Variants in EIF4G1 observed in about 807,000 individuals in gnomAD.
The protein encoded by EIF4G1 is eukaryotic translation initiation factor 4 gamma 1, also known as EIF4-gamma.
A neutral mutation model predicts 187.8 loss-of-function variants in EIF4G1; 4 were observed. The observed-to-expected ratio is 0.02, with a 90% CI of 0.01 to 0.05. The LOEUF is 0.05. Ranked by LOEUF, EIF4G1 falls within the 10% of genes least tolerant of loss-of-function variation. The pLI, the probability that EIF4G1 is intolerant of heterozygous loss-of-function variation, is 1.00. For missense variants in EIF4G1, 1,647 were observed against 2,081.1 expected (o/e 0.79, Z 4.06); for synonymous variants, 844 against 781.4 (o/e 1.08, Z -1.34).
chr3:184,323,544 C>T lies in EIF4G1; in HGVS notation c.2225C>T (p.Ala742Val), dbSNP rs751825007. 3.7e-6 allele frequency: 6 copies of T among 1,614,034 alleles called. No individual in the cohort carries two copies. Among genetic ancestry groups the T allele is most frequent in the South Asian group, 2.2e-5 (2 of 91,088 alleles). ...KAWKPSSKRT[A>V]ADKDRGEEDA... is the part of the protein sequence containing the mutation. ...TGGAAACCCAGCAGCAAGCGGACGG[C>T]GGCTGATAAGGATCGAGGGGAAGAA... The change falls in exon 15 of 33, where the codon GCG (alanine) becomes GTG (valine). Residue 742 changes from alanine to valine, a missense_variant. Physicochemically the swap from Ala to Val is moderately conservative, Grantham distance 64. Around this residue, in one of 11 missense-constraint regions of EIF4G1, gnomAD observed 140 missense variants for 222.2 expected, o/e 0.63. Coordinates refer to ENST00000346169, the MANE Select transcript of EIF4G1 (RefSeq NM_198241.3). This position sits in a 1 kb window ranked among gnomAD's most constrained non-coding sequence, Gnocchi z 6.9.
chr3:184,326,663 C>T (rs1341699433), intron 22 of EIF4G1, 34 bp downstream of exon 22: 7 of 1,602,708 alleles, frequency 4.4e-6, no homozygotes, highest in African/African-American at 1.3e-5. Flanking sequence ...GGGTGGTTAC[C>T]CGTCAGAGCT....
Position 184,322,096 on chromosome 3 carries a change from C to T in EIF4G1, c.1512C>T (p.Ala504=). 1 of 1,614,098 alleles carries T rather than the reference C, an allele frequency of 6.2e-7. No homozygotes were observed. The highest frequency in any genetic ancestry group is 1.6e-4 in the Middle Eastern group (1 of 6,062). ...NLSQNLEAAA[A]TQVAVSVPKR... is the part of the protein sequence containing the mutation. ...CTCAGAATTTGGAGGCAGCAGCAGC[C>T]ACTCAAGGTAAGGTGTGGTTGGACG... The change falls in exon 10 of 33, where the codon GCC becomes GCT. Residue 504 remains alanine, a synonymous_variant. Coordinates refer to ENST00000346169, the MANE Select transcript of EIF4G1 (RefSeq NM_198241.3).
chr3:184,317,397 G>T lies in EIF4G1; in HGVS notation c.224G>T (p.Gly75Val). The T allele has an allele frequency of 6.2e-7, 1 of 1,614,032 alleles. No individual in the cohort carries two copies. Among genetic ancestry groups the T allele is most frequent in the Non-Finnish European group, 8.5e-7 (1 of 1,180,006 alleles). ...RVQSAAPARP[G>V]PAAHVYPAGS... ...CAGAGTGCAGCCCCTGCCCGCCCTG[G>T]CCCAGCTGCCCATGTCTACCCTGCT... The change falls in exon 5 of 33, where the codon GGC becomes GTC. Residue 75 changes from glycine to valine, a missense_variant. This residue lies in a region of EIF4G1 where 139 missense variants were observed against 187.3 expected (regional missense o/e 0.74). Coordinates refer to ENST00000346169, the MANE Select transcript of EIF4G1 (RefSeq NM_198241.3).
rs745629421 is a variant in EIF4G1, at chr3:184,331,272, A to G, written c.4168A>G (p.Lys1390Glu). The G allele has an allele frequency of 1.5e-5, 24 of 1,614,014 alleles. No individual in the cohort carries two copies. Among genetic ancestry groups the G allele is most frequent in the South Asian group, 2.2e-5 (2 of 91,078 alleles). The part of the protein sequence containing the change: ...LGLLCKSMGP[K>E]KVGTLWREAG... ...TTGGTCTTGTGTTTTCCAGGGTCCT[A>G]AAAAGGTGGGGACGCTGTGGCGAGA... is the stretch of plus-strand genomic sequence containing the variant. The change falls in exon 29 of 33, where the codon AAA (lysine) becomes GAA (glutamate). Residue 1390 changes from lysine (K) to glutamate (E), a missense_variant. Lys to Glu is a moderately conservative substitution (Grantham distance 56). Transcript: ENST00000346169.
At position 184,334,985 on chromosome 3, in the gene EIF4G1, G is replaced by A. The variant is rs913955593; in HGVS notation, c.*77G>A. 6.3e-6 allele frequency: 10 copies of A among 1,583,298 alleles called. No homozygotes were observed. Among genetic ancestry groups the A allele is most frequent in the South Asian group, 2.2e-5 (2 of 89,268 alleles). On this transcript the variant is annotated 3_prime_UTR_variant, in exon 33 of 33. Coordinates refer to ENST00000346169, the MANE Select transcript of EIF4G1 (RefSeq NM_198241.3). The surrounding 1 kb of genome is among the most constrained non-coding windows in gnomAD (Gnocchi z 5.8). ...CTAGCCGCCTGGACTGCAGGGGGGC[G>A]GCAGCAGCGGCGGTGGCAGTGGGTG...
chr3:184,315,189 A>G (rs1722518729), intron 1 of EIF4G1: 2 of 353,400 alleles, frequency 5.7e-6, no homozygotes, highest in South Asian at 4.1e-5. Context: ...CGGCTCCTCG[A>G]CGGCCGCCGC....
rs1468301910 is a variant in EIF4G1 at position 184,319,652 on chromosome 3, C to A, written c.425-37C>A. The A allele has an allele frequency of 3.7e-6, 5 of 1,340,332 alleles. No individual in the cohort carries two copies. The African/African-American group carries it at 7.2e-5, about 19-fold the overall frequency. 83.0% of individuals were successfully genotyped at this position (1,340,332 alleles called of 1,614,324 possible). A position where few individuals can be genotyped will look rare whatever the true frequency, so the allele number is the denominator to read the frequency against. On this transcript the variant is annotated intron_variant, in intron 6 of 32. Transcript: ENST00000346169. ...GCATTAGTATATGGTTGGGCCCTGA[C>A]GCTACCACCATTCTTCTCCGTCCCC...
Position 184,322,623 on chromosome 3 carries a change from T to C in EIF4G1, c.1688T>C (p.Val563Ala). The change falls in exon 12 of 33, where the codon GTG becomes GCG. Residue 563 changes from valine (V) to alanine (A), a missense_variant. Val to Ala is a moderately conservative substitution (Grantham distance 64). Around this residue, in one of 11 missense-constraint regions of EIF4G1, gnomAD observed 522 missense variants for 485.2 expected, o/e 1.08. Coordinates refer to ENST00000346169, the MANE Select transcript of EIF4G1 (RefSeq NM_198241.3). ...NPGPESEGSG[V>A]PPRPEEADET... Reference sequence around the variant, plus strand: ...GGCCCAGAGTCTGAGGGCAGTGGTGTGCCCCCACGTCCTGAGGAAGCAGAT... The same window carrying C: ...GGCCCAGAGTCTGAGGGCAGTGGTGCGCCCCCACGTCCTGAGGAAGCAGAT... The C allele has an allele frequency of 6.2e-7, 1 of 1,614,160 alleles. No homozygotes were observed. Among genetic ancestry groups the C allele is most frequent in the Non-Finnish European group, 8.5e-7 (1 of 1,180,042 alleles).
chr3:184,326,050 T>C lies in EIF4G1; in HGVS notation c.3222+99T>C, dbSNP rs1223470674. ...AAGGTGACAGCTGAATGTTTCCTCT[T>C]AGACTAACTGGTTGGATTGCTGGAG... On this transcript the variant is annotated intron_variant, in intron 21 of 32. Transcript: ENST00000346169. 3.1e-5 allele frequency: 40 copies of C among 1,292,790 alleles called. No individual in the cohort carries two copies. The East Asian group carries it at 8.7e-4, about 28-fold the overall frequency. The allele number at this position is 1,292,790 out of a possible 1,614,324, so 80.1% of individuals were successfully genotyped here.
At chr3:184,329,263 T>G (rs1725559780) in intron 28 of EIF4G1, 1 of 486,618 alleles carries the variant, frequency 2.1e-6, no homozygotes, top group South Asian at 2.1e-5. Flanking sequence ...AGGGTTTTGT[T>G]GATGATCATT....
Position 184,325,075 on chromosome 3 carries a change from C to T in EIF4G1, c.2817C>T (p.Leu939=), listed in dbSNP as rs1724609447. The change falls in exon 18 of 33, where the codon CTC becomes CTT. Residue 939 remains leucine, a synonymous_variant. Transcript: ENST00000346169. This position sits in a 1 kb window ranked among gnomAD's most constrained non-coding sequence, Gnocchi z 5.2. ...CCCTTGAGTGCCTTTGTCGTCTGCT[C>T]ACCACCATTGGCAAAGACCTGGACT... ...EESLECLCRL[L]TTIGKDLDFE... is the part of the protein sequence containing the mutation. The T allele has an allele frequency of 6.2e-7, 1 of 1,614,194 alleles. No individual in the cohort carries two copies. Among genetic ancestry groups the T allele is most frequent in the Non-Finnish European group, 8.5e-7 (1 of 1,180,054 alleles).
rs368908824 is a variant in EIF4G1 at position 184,325,160 on chromosome 3, G to A, written c.2856+46G>A. 1 of 1,607,274 alleles carries A rather than the reference G, an allele frequency of 6.2e-7. No individual in the cohort carries two copies. Among genetic ancestry groups the A allele is most frequent in the African/African-American group, 1.3e-5 (1 of 74,762 alleles). ...AGGGGGATGGGCTGAAGCATATGTG[G>A]GGCTCACTGAGCCCACAATGATGGG... On this transcript the variant is annotated intron_variant, in intron 18 of 32. Coordinates refer to ENST00000346169, the MANE Select transcript of EIF4G1 (RefSeq NM_198241.3). The surrounding 1 kb of genome is among the most constrained non-coding windows in gnomAD (Gnocchi z 5.2).
Position 184,334,355 on chromosome 3 carries a change from C to T in EIF4G1, c.4619-372C>T, listed in dbSNP as rs2084568241. Among the ~76,000 whole-genome samples, 1 of 152,116 alleles carries T rather than the reference C, an allele frequency of 6.6e-6. No homozygotes were observed. Among genetic ancestry groups the T allele is most frequent in the Non-Finnish European group, 1.5e-5 (1 of 68,032 alleles). On this transcript the variant is annotated intron_variant, in intron 32 of 32. Coordinates refer to ENST00000346169, the MANE Select transcript of EIF4G1 (RefSeq NM_198241.3). This position sits in a 1 kb window ranked among gnomAD's most constrained non-coding sequence, Gnocchi z 5.8. ...TGGGGGGCAGTGAATGTTCAGGTTA[C>T]ATGTAGGATATATATAGGACTTTAT... is the stretch of plus-strand genomic sequence containing the variant.
intron 10 of EIF4G1, 50 bp from the exon 11 acceptor site, chr3:184,322,312 C>T (rs748388232): frequency 3.2e-6 from 5 of 1,582,662 alleles, no homozygotes; most frequent in East Asian, 2.3e-5. Flanking sequence ...AAGGGTACTC[C>T]TTAAATTATT....
At chr3:184,330,882 G>A (rs571175882) in intron 28 of EIF4G1, among the ~76,000 whole-genome samples, 2 of 152,198 alleles carry the variant, frequency 1.3e-5, no homozygotes, top group South Asian at 4.2e-4. Flanking sequence ...TGGGATTACA[G>A]GCACCCACCA....
rs1283919676 is a variant in EIF4G1, at chr3:184,322,677, T to C, written c.1742T>C (p.Ile581Thr). The change falls in exon 12 of 33, where the codon ATT becomes ACT. Residue 581 changes from isoleucine to threonine, a missense_variant. Coordinates refer to ENST00000346169, the MANE Select transcript of EIF4G1 (RefSeq NM_198241.3). ...DETWDSKEDK[I>T]HNAENIQPGE... ...ACCTGGGACTCAAAGGAAGACAAAA[T>C]TCACAATGCTGAGAACATCCAGCCC... 2 of 1,614,098 alleles carry C rather than the reference T, an allele frequency of 1.2e-6. No individual in the cohort carries two copies. Among genetic ancestry groups the C allele is most frequent in the East Asian group, 2.2e-5 (1 of 44,872 alleles).
At chr3:184,322,977 G>A (rs757010629) in intron 13 of EIF4G1, 23 bp downstream of exon 13, 7 of 1,614,166 alleles carry the variant, frequency 4.3e-6, no homozygotes, top group Admixed American at 3.3e-5. Context: ...AGTTGGGGAG[G>A]GGACGATAAG....
intron 1 of EIF4G1, 62 bp from the exon 2 acceptor site, chr3:184,315,427 T>C (rs1722589045): frequency 1.8e-6 from 1 of 553,518 alleles, no homozygotes; most frequent in African/African-American, 1.9e-5. Flanking sequence ...ACCTGGAATT[T>C]CCGGTCTGGT....
rs762579724 is a variant in EIF4G1, at chr3:184,325,295, G to A, written c.2883G>A (p.Gln961=). Residue 961 remains glutamine (Q), a synonymous_variant, in exon 19 of 33, where the codon CAG becomes CAA. Coordinates refer to ENST00000346169, the MANE Select transcript of EIF4G1 (RefSeq NM_198241.3). This position sits in a 1 kb window ranked among gnomAD's most constrained non-coding sequence, Gnocchi z 5.2. The part of the protein sequence containing the change: ...AKPRMDQYFN[Q]MEKIIKEKKT... ...CCCGAATGGATCAGTATTTCAACCA[G>A]ATGGAAAAAATCATTAAAGAAAAGA... The A allele has an allele frequency of 5.0e-6, 8 of 1,614,148 alleles. No individual in the cohort carries two copies. In the South Asian group the frequency reaches 8.8e-5, roughly 18 times the overall value.
Sources: gnomAD v4.1 joint callset for allele counts (sites outside exome capture counted in the v4.1 genomes callset) on GRCh38, gnomAD v4.1.1 for gene constraint, gnomAD v4.1.1 regional missense constraint, Gnocchi (gnomAD v3.1) non-coding constraint, MANE v1.5 for transcripts, NCBI Gene and HGNC (gene_info 2026-07-23, HGNC 2026-07-21) for gene names.